The following RABGEF1 variants were observed in gnomAD, a reference collection of about 807,000 sequenced individuals.
The protein encoded by RABGEF1 is rab5 GDP/GTP exchange factor.
RABGEF1 carries 26 observed loss-of-function variants against 57.3 expected under a neutral mutation model. The ratio of observed to expected loss-of-function variants is 0.45; its 90% CI spans 0.33 to 0.63. RABGEF1 has a LOEUF of 0.63. RABGEF1 is among the 20% of genes least tolerant of loss of function. The probability of loss-of-function intolerance (pLI) is 0.02; values close to 1 mark genes in which losing one functional copy is unlikely to be tolerated. For missense variants in RABGEF1, 464 were observed against 607.6 expected (o/e 0.76, Z 2.48); for synonymous variants, 185 against 210.7 (o/e 0.88, Z 1.06).
chr7:66,662,921 C>T, the RABGEF1 span, among the ~76,000 whole-genome samples: 2 of 150,202 alleles, frequency 1.3e-5, no homozygotes, highest in African/African-American at 4.9e-5. Flanking sequence ...TGTGTGTTTG[C>T]AGGCATGCAT....
chr7:66,686,050 G>T (rs889576943), intron 1 of RABGEF1, among the ~76,000 whole-genome samples: 3 of 152,116 alleles, frequency 2.0e-5, no homozygotes, highest in African/African-American at 7.2e-5. Flanking sequence ...AAGCTGAGGT[G>T]GGCAGATCAC....
chr7:66,695,438 A>G (rs1562704215), intron 1 of RABGEF1, among the ~76,000 whole-genome samples: 1 of 152,224 alleles, frequency 6.6e-6, no homozygotes, highest in Non-Finnish European at 1.5e-5. Flanking sequence ...CGTCATGGGC[A>G]GGGGCTTTGA....
intron 2 of RABGEF1, among the ~76,000 whole-genome samples, chr7:66,729,202 G>A (rs1397524754): frequency 7.3e-5 from 11 of 150,894 alleles, no homozygotes; most frequent in South Asian, 2.1e-4. Flanking sequence ...CACCCACCTC[G>A]GCCTCCCAAA....
the RABGEF1 span, among the ~76,000 whole-genome samples, chr7:66,676,548 T>C: frequency 6.6e-6 from 1 of 152,350 alleles, no homozygotes; most frequent in South Asian, 2.1e-4. Flanking sequence ...CGGACCTGTG[T>C]TGTTCAAGGG....
At chr7:66,715,401 G>A (rs1795273391) in intron 2 of RABGEF1, among the ~76,000 whole-genome samples, 1 of 152,178 alleles carries the variant, frequency 6.6e-6, no homozygotes, top group Non-Finnish European at 1.5e-5. Flanking sequence ...AACATGTTGG[G>A]ATTATAGGTG....
the RABGEF1 span, among the ~76,000 whole-genome samples, chr7:66,675,459 C>CA: frequency 2.2e-3 from 327 of 151,954 alleles, 5 homozygotes; most frequent in Admixed American, 0.011. Flanking sequence ...AAAAAAACCC[C>CA]AAAAAACTCC....
intron 2 of RABGEF1, 107 bp downstream of exon 2, chr7:66,772,185 C>A: frequency 1.1e-6 from 1 of 881,844 alleles, no homozygotes; most frequent in Non-Finnish European, 1.6e-6. Flanking sequence ...ATCAGCAAGT[C>A]AGTTTAATAT....
chr7:66,714,929 C>A (rs375586083), intron 2 of RABGEF1, among the ~76,000 whole-genome samples: 1 of 152,016 alleles, frequency 6.6e-6, no homozygotes, highest in African/African-American at 2.4e-5. Flanking sequence ...AGCGAGACTC[C>A]GTCTCAAAAA....
At chr7:66,656,813 T>G in the RABGEF1 span, among the ~76,000 whole-genome samples, 4 of 18,820 alleles carry the variant, frequency 2.1e-4, no homozygotes, top group African/African-American at 9.8e-4. Context: ...AGAGTGAAAC[T>G]GCATCTCAAA....
chr7:66,760,302 T>G (rs1803960628), intron 1 of RABGEF1, among the ~76,000 whole-genome samples: 1 of 152,226 alleles, frequency 6.6e-6, no homozygotes, highest in Non-Finnish European at 1.5e-5. Flanking sequence ...TAAGATGCAC[T>G]TTTTAGAAAA....
At chr7:66,765,111 G>A (rs902827658) in intron 1 of RABGEF1, among the ~76,000 whole-genome samples, 1 of 151,530 alleles carries the variant, frequency 6.6e-6, no homozygotes, top group Non-Finnish European at 1.5e-5. Context: ...GAAGGTCATG[G>A]GTGCACAGGT....
intron 2 of RABGEF1, among the ~76,000 whole-genome samples, chr7:66,718,416 A>G (rs192618292): frequency 5.3e-4 from 81 of 152,302 alleles, no homozygotes; most frequent in African/African-American, 1.8e-3. Flanking sequence ...CATCTGTGCC[A>G]TCTTGGGGTT....
chr7:66,699,429 A>G (rs62466137), intron 1 of RABGEF1, among the ~76,000 whole-genome samples: 5,580 of 152,222 alleles, frequency 0.037, 161 homozygotes, highest in East Asian at 0.085. Context: ...AGTGGCTCAC[A>G]CCTGTAATCC....
the RABGEF1 span, among the ~76,000 whole-genome samples, chr7:66,664,511 C>T: frequency 1.3e-5 from 2 of 151,750 alleles, no homozygotes; most frequent in African/African-American, 4.8e-5. Flanking sequence ...GAGGATTAGC[C>T]TCAAACTCCT....
chr7:66,716,797 G>C (rs564059986), intron 2 of RABGEF1, among the ~76,000 whole-genome samples: 14 of 152,192 alleles, frequency 9.2e-5, no homozygotes, highest in African/African-American at 3.4e-4. Flanking sequence ...TTTGAGACAG[G>C]AGACAAGGTC....
intron 1 of RABGEF1, among the ~76,000 whole-genome samples, chr7:66,757,854 G>T (rs1256363914): frequency 6.6e-6 from 1 of 152,028 alleles, no homozygotes; most frequent in African/African-American, 2.4e-5. Context: ...CTCGTGATCC[G>T]CCCGCCTCGA....
chr7:66,665,153 T>G, the RABGEF1 span: 5 of 135,736 alleles, frequency 3.7e-5, no homozygotes, highest in African/African-American at 1.0e-4. Context: ...AGAATTCTTG[T>G]TTTTTTTTTT....
intron 4 of RABGEF1, among the ~76,000 whole-genome samples, chr7:66,786,703 GCTATTCA>G (rs1253238363): frequency 6.6e-6 from 1 of 152,056 alleles, no homozygotes; most frequent in African/African-American, 2.4e-5. Flanking sequence ...CGCGCCCAGT[GCTATTCA>G]GCAAATGTTG....
chr7:66,670,101 A>G, the RABGEF1 span, among the ~76,000 whole-genome samples: 1 of 151,920 alleles, frequency 6.6e-6, no homozygotes, highest in Non-Finnish European at 1.5e-5. Context: ...AGGGCTTCCT[A>G]TTGCATTTGC....
Sources: allele counts gnomAD v4.1 joint callset (sites outside exome capture counted in the v4.1 genomes callset), GRCh38; gene constraint gnomAD v4.1.1; transcripts MANE v1.5; gene names NCBI Gene and HGNC (gene_info 2026-07-23, HGNC 2026-07-21).